Variants in TRERF1 observed in about 807,000 individuals in gnomAD.
The protein encoded by TRERF1 is transcriptional-regulating factor 1.
In TRERF1, 27 loss-of-function variants were observed where a neutral mutation model predicts 122.9. The ratio of observed to expected loss-of-function variants is 0.22; its 90% CI spans 0.16 to 0.30. The LOEUF (loss-of-function observed/expected upper bound fraction) is 0.30, where lower values mean the gene tolerates loss of function less well. Among genes scored for constraint, TRERF1 ranks in the 10% least tolerant of loss-of-function variants. TRERF1 has a pLI of 1.00. For missense variants in TRERF1, 1,248 were observed against 1,560.3 expected, an observed-to-expected ratio of 0.80 and a Z score of 3.37; for synonymous variants, 636 against 641.7, an observed-to-expected ratio of 0.99 and a Z score of 0.13.
chr6:42,402,038 C>A (rs1302019223), intron 2 of TRERF1, among the ~76,000 whole-genome samples: 1 of 152,118 alleles, frequency 6.6e-6, no homozygotes, highest in Non-Finnish European at 1.5e-5. Flanking sequence ...GCAACATAAA[C>A]CTCTAGTCTA....
At chr6:42,302,102 C>T (rs1396616661) in intron 3 of TRERF1, among the ~76,000 whole-genome samples, 2 of 152,188 alleles carry the variant, frequency 1.3e-5, no homozygotes, top group South Asian at 2.1e-4. Context: ...ACTATGGCAA[C>T]CCCGCCTGAA....
intron 3 of TRERF1, among the ~76,000 whole-genome samples, chr6:42,336,908 G>A (rs1219857561): frequency 2.6e-5 from 4 of 152,210 alleles, no homozygotes; most frequent in South Asian, 2.1e-4. Flanking sequence ...CTGGGGCTGC[G>A]GCGGAGGATG....
At chr6:42,299,293 A>G (rs4711714) in intron 4 of TRERF1, among the ~76,000 whole-genome samples, 22,006 of 151,866 alleles carry the variant, frequency 0.14, 1,909 homozygotes, top group African/African-American at 0.24. Flanking sequence ...GACATAGAGT[A>G]TGCAAGTTAC....
At chr6:42,350,263 T>C (rs1206042697) in intron 3 of TRERF1, among the ~76,000 whole-genome samples, 1 of 152,216 alleles carries the variant, frequency 6.6e-6, no homozygotes, top group East Asian at 1.9e-4. Context: ...GATGAGTAAA[T>C]GAGGCCCAGA....
chr6:42,265,621 C>G, intron 6 of TRERF1, 130 bp downstream of exon 6: 1 of 1,041,428 alleles, frequency 9.6e-7, no homozygotes. Flanking sequence ...CACTCAAACA[C>G]AACAGCTGCT....
intron 2 of TRERF1, among the ~76,000 whole-genome samples, chr6:42,418,659 C>T (rs914843266): frequency 6.6e-6 from 1 of 151,990 alleles, no homozygotes; most frequent in African/African-American, 2.4e-5. Context: ...CTCTAGTGGG[C>T]TCGTAGGTAG....
intron 2 of TRERF1, among the ~76,000 whole-genome samples, chr6:42,443,696 T>C (rs2151797708): frequency 6.6e-6 from 1 of 152,282 alleles, no homozygotes; most frequent in South Asian, 2.1e-4. Flanking sequence ...CCAGCCAGCA[T>C]TTCTGAGGCC....
chr6:42,257,409 T>C (rs1776970988), intron 10 of TRERF1, among the ~76,000 whole-genome samples: 1 of 152,202 alleles, frequency 6.6e-6, no homozygotes, highest in African/African-American at 2.4e-5. Flanking sequence ...GCATGGCCAA[T>C]GGTGCCATTT....
chr6:42,319,366 TA>T (rs1049087282), intron 3 of TRERF1, among the ~76,000 whole-genome samples: 2 of 152,230 alleles, frequency 1.3e-5, no homozygotes, highest in African/African-American at 4.8e-5. Context: ...TGTAGATCCC[TA>T]AATTACCTTG....
At chr6:42,323,189 C>A (rs1763728827) in intron 3 of TRERF1, among the ~76,000 whole-genome samples, 1 of 149,062 alleles carries the variant, frequency 6.7e-6, no homozygotes, top group South Asian at 2.1e-4. Flanking sequence ...TGCAACTTTC[C>A]CCCAGTTTTT....
intron 4 of TRERF1, among the ~76,000 whole-genome samples, chr6:42,272,148 A>C (rs186407681): frequency 6.6e-6 from 1 of 152,358 alleles, no homozygotes; most frequent in Non-Finnish European, 1.5e-5. Flanking sequence ...GTAAACTTAA[A>C]ACTGTATGAA....
chr6:42,419,093 T>C (rs1343094825), intron 2 of TRERF1, among the ~76,000 whole-genome samples: 1 of 152,234 alleles, frequency 6.6e-6, no homozygotes, highest in East Asian at 1.9e-4. Flanking sequence ...ATATCCAGGA[T>C]GGCCCGTGCC....
At chr6:42,446,141 T>C (rs1332612163) in intron 2 of TRERF1, among the ~76,000 whole-genome samples, 9 of 152,252 alleles carry the variant, frequency 5.9e-5, no homozygotes, top group African/African-American at 1.7e-4. Context: ...CTGGAACTCC[T>C]GACCTCAGGC....
intron 3 of TRERF1, among the ~76,000 whole-genome samples, chr6:42,318,360 G>A (rs908296538): frequency 7.2e-5 from 11 of 152,188 alleles, no homozygotes; most frequent in African/African-American, 2.7e-4. Context: ...ACCATGTAGG[G>A]TGGCTGTGGG....
chr6:42,287,271 A>G (rs1783422908), intron 4 of TRERF1, among the ~76,000 whole-genome samples: 1 of 150,560 alleles, frequency 6.6e-6, no homozygotes, highest in Non-Finnish European at 1.5e-5. Flanking sequence ...GTGCACATGT[A>G]CCCTAAAACT....
At chr6:42,250,794 C>T (rs1231462293) in intron 13 of TRERF1, among the ~76,000 whole-genome samples, 5 of 152,030 alleles carry the variant, frequency 3.3e-5, no homozygotes, top group South Asian at 4.2e-4. Context: ...GAACAGTATC[C>T]AGAGGAAAAC....
chr6:42,410,729 G>A (rs1461530640), intron 2 of TRERF1, among the ~76,000 whole-genome samples: 1 of 152,170 alleles, frequency 6.6e-6, no homozygotes, highest in Non-Finnish European at 1.5e-5. Context: ...TCAGTGCCCT[G>A]AGGACAGAGA....
At chr6:42,354,795 T>C (rs1770189901) in intron 3 of TRERF1, among the ~76,000 whole-genome samples, 1 of 152,216 alleles carries the variant, frequency 6.6e-6, no homozygotes, top group South Asian at 2.1e-4. Context: ...TATATTTTAA[T>C]ATCCAATAGA....
At chr6:42,400,786 A>G (rs983597793) in intron 2 of TRERF1, among the ~76,000 whole-genome samples, 3 of 152,222 alleles carry the variant, frequency 2.0e-5, no homozygotes, top group Admixed American at 6.5e-5. Flanking sequence ...GAATGTCCCC[A>G]AAGTCCCAAT....
Sources: allele counts gnomAD v4.1 joint callset (sites outside exome capture counted in the v4.1 genomes callset), GRCh38; gene constraint gnomAD v4.1.1; transcripts MANE v1.5; gene names NCBI Gene and HGNC (gene_info 2026-07-23, HGNC 2026-07-21).